PARP11: variants seen among roughly 807,000 people sequenced by gnomAD.
The protein encoded by PARP11 is protein mono-ADP-ribosyltransferase PARP11.
Under a neutral mutation model 42.9 loss-of-function variants are expected in PARP11, and 31 were observed. That is an observed-to-expected ratio of 0.72 (90% CI 0.54 to 0.98). The LOEUF (loss-of-function observed/expected upper bound fraction) is 0.98, where lower values mean the gene tolerates loss of function less well. Ranked by LOEUF, PARP11 falls within the 50% of genes least tolerant of loss-of-function variation. The pLI, the probability that PARP11 is intolerant of heterozygous loss-of-function variation, is 0.00. For synonymous variants in PARP11, 137 were observed against 127.3 expected (o/e 1.08, Z -0.51); for missense variants, 365 against 413.1 (o/e 0.88, Z 1.01).
In PARP11 at chr12:3,810,037, T is replaced by C. The variant is rs557773623; in HGVS notation, c.*2086A>G. The C allele has an allele frequency of 6.6e-6, 1 of 152,362 alleles. No individual in the cohort carries two copies. Among genetic ancestry groups the C allele is most frequent in the African/African-American group, 2.4e-5 (1 of 41,582 alleles). The allele number at this position is 152,362 out of a possible 1,614,324, so 9.4% of individuals were successfully genotyped here. Reference sequence around the variant, plus strand: ...GTCTATAACGGAAATCTGGGATAGATGGCACTTTAAGAATTACTATCCCTA... The same window carrying C: ...GTCTATAACGGAAATCTGGGATAGACGGCACTTTAAGAATTACTATCCCTA... On this transcript the variant is annotated 3_prime_UTR_variant, in exon 8 of 8. Transcript: ENST00000228820.
intron 1 of PARP11, chr12:3,841,523 T>C (rs878890383): frequency 1.3e-6 from 2 of 1,586,488 alleles, no homozygotes; most frequent in South Asian, 1.1e-5. Flanking sequence ...CTACAGCCAG[T>C]GATTGGACCG....
At chr12:3,856,378 A>G (rs1341105080) in intron 1 of PARP11, among the ~76,000 whole-genome samples, 1 of 152,236 alleles carries the variant, frequency 6.6e-6, no homozygotes, top group African/African-American at 2.4e-5. Flanking sequence ...CATCTGACAA[A>G]GGGTGAATAT....
chr12:3,872,645 G>A (rs1452357617), intron 1 of PARP11: 1 of 985,126 alleles, frequency 1.0e-6, no homozygotes, highest in Non-Finnish European at 1.2e-6. Flanking sequence ...AAGGGAAAAG[G>A]AGAACTGATG....
intron 2 of PARP11, among the ~76,000 whole-genome samples, chr12:3,829,298 A>C (rs1479921070): frequency 6.6e-6 from 1 of 152,210 alleles, no homozygotes; most frequent in African/African-American, 2.4e-5. Context: ...AGATAATTAC[A>C]ATTTTTACAG....
At chr12:3,814,994 C>A (rs959762458) in intron 6 of PARP11, 1 of 455,976 alleles carries the variant, frequency 2.2e-6, no homozygotes, top group Non-Finnish European at 4.4e-6. Flanking sequence ...AGGCACCATA[C>A]CAATCTCAGG....
chr12:3,846,496 C>T (rs970117823), intron 1 of PARP11, among the ~76,000 whole-genome samples: 5 of 152,078 alleles, frequency 3.3e-5, no homozygotes, highest in African/African-American at 9.7e-5. Flanking sequence ...GTAGCTCATG[C>T]CTGTAATCCC....
At chr12:3,846,593 A>G (rs1948002788) in intron 1 of PARP11, among the ~76,000 whole-genome samples, 1 of 151,550 alleles carries the variant, frequency 6.6e-6, no homozygotes, top group East Asian at 1.9e-4. Context: ...CGTCTCTACT[A>G]AAAATACAAA....
At position 3,828,894 on chromosome 12, in the gene PARP11, A is replaced by G; in HGVS notation, c.268+16T>C. On this transcript the variant is annotated intron_variant, in intron 3 of 7. Coordinates refer to ENST00000228820, the MANE Select transcript of PARP11 (RefSeq NM_020367.6). ...AATATACTAAAAACACACAACTATT[A>G]GGGAAAAAAACATACCTGCAAAGTC... 1.2e-6 allele frequency: 2 copies of G among 1,611,104 alleles called. No individual in the cohort carries two copies. The highest frequency in any genetic ancestry group is 1.7e-6 in the Non-Finnish European group (2 of 1,177,858).
At chr12:3,850,888 A>T (rs78065773) in intron 1 of PARP11, among the ~76,000 whole-genome samples, 1 of 152,266 alleles carries the variant, frequency 6.6e-6, no homozygotes, top group Non-Finnish European at 1.5e-5. Flanking sequence ...AGGACCAACT[A>T]TGAAAGTTCT....
At chr12:3,859,405 T>C (rs1948257365) in intron 1 of PARP11, among the ~76,000 whole-genome samples, 1 of 150,566 alleles carries the variant, frequency 6.6e-6, no homozygotes. Context: ...TCTACTAAAA[T>C]ACAAAAAATT....
chr12:3,840,718 CA>C lies in PARP11; in HGVS notation c.19-10701del. 1 of 1,280,232 alleles carries C rather than the reference CA, an allele frequency of 7.8e-7. No homozygotes were observed. The highest frequency in any genetic ancestry group is 1.1e-6 in the Non-Finnish European group (1 of 875,356). The allele number at this position is 1,280,232 out of a possible 1,614,324, so 79.3% of individuals were successfully genotyped here. A position where few individuals can be genotyped will look rare whatever the true frequency, so the allele number is the denominator to read the frequency against. ...GAATGGATACAGAAGAACGAAAAGACAAAGACTCTATTCATGGACATAGTTG... is the reference window on the plus strand; with the variant it reads ...GAATGGATACAGAAGAACGAAAAGACAAGACTCTATTCATGGACATAGTTG... On this transcript the variant is annotated intron_variant, in intron 1 of 7. Coordinates refer to ENST00000228820, the MANE Select transcript of PARP11 (RefSeq NM_020367.6). The surrounding 1 kb of genome is among the most constrained non-coding windows in gnomAD (Gnocchi z 4.4).
rs922878832 is a variant in PARP11, at chr12:3,822,009, A to T, written c.418-6T>A. On this transcript the variant is annotated splice_region_variant and splice_polypyrimidine_tract_variant and intron_variant, in intron 5 of 7. Transcript: ENST00000228820. ...TGATTGTGCAGAGGAATAAGCTGGA[A>T]AAATAAATTTGCATAGATTTACTGC... is the stretch of plus-strand genomic sequence containing the variant. 1 of 1,606,290 alleles carries T rather than the reference A, an allele frequency of 6.2e-7. No homozygotes were observed. Among genetic ancestry groups the T allele is most frequent in the Non-Finnish European group, 8.5e-7 (1 of 1,177,222 alleles).
intron 4 of PARP11, among the ~76,000 whole-genome samples, chr12:3,822,539 C>G (rs1947420455): frequency 6.8e-6 from 1 of 147,304 alleles, no homozygotes; most frequent in Non-Finnish European, 1.5e-5. Context: ...GCGGAGCTTG[C>G]AGTGAGCCGA....
chr12:3,860,867 A>G (rs950351164), intron 1 of PARP11, among the ~76,000 whole-genome samples: 2 of 152,086 alleles, frequency 1.3e-5, no homozygotes, highest in Non-Finnish European at 2.9e-5. Flanking sequence ...TTTTTCAGAG[A>G]CAGTCTTGCC....
chr12:3,854,594 T>A (rs552300268), intron 1 of PARP11, among the ~76,000 whole-genome samples: 3 of 152,262 alleles, frequency 2.0e-5, no homozygotes, highest in African/African-American at 7.2e-5. Flanking sequence ...AGGAAGAGGT[T>A]GAATCCCTGA....
At chr12:3,813,260 T>C (rs1947220188) in intron 7 of PARP11, among the ~76,000 whole-genome samples, 1 of 152,248 alleles carries the variant, frequency 6.6e-6, no homozygotes. Context: ...CGTATTTCTA[T>C]GATATGGGAT....
intron 1 of PARP11, among the ~76,000 whole-genome samples, chr12:3,831,452 C>G (rs1456485988): frequency 6.6e-6 from 1 of 152,004 alleles, no homozygotes; most frequent in Non-Finnish European, 1.5e-5. Flanking sequence ...GCTGTAGCAA[C>G]CTGGAATAAG....
rs1948206723 is a variant in PARP11, at chr12:3,857,142, G to A, written c.18+16070C>T. On this transcript the variant is annotated intron_variant, in intron 1 of 7. Transcript: ENST00000228820. Reference sequence around the variant, plus strand: ...GGGCCTGTCGGGGGGTGGGGGGCTGGGGGAAGGATAGCATTAGGAGAAATA... The same window carrying A: ...GGGCCTGTCGGGGGGTGGGGGGCTGAGGGAAGGATAGCATTAGGAGAAATA... 2.0e-5 allele frequency among the ~76,000 whole-genome samples: 3 copies of A among 151,844 alleles called. No individual in the cohort carries two copies. The South Asian group carries it at 6.2e-4, about 32-fold the overall frequency.
chr12:3,814,396 A>G (rs1429180710), intron 6 of PARP11, among the ~76,000 whole-genome samples: 2 of 152,212 alleles, frequency 1.3e-5, no homozygotes, highest in East Asian at 3.8e-4. Flanking sequence ...ATTAGTTAAC[A>G]CTGAAACTTA....
Sources: allele counts gnomAD v4.1 joint callset (sites outside exome capture counted in the v4.1 genomes callset), GRCh38; gene constraint gnomAD v4.1.1; non-coding constraint Gnocchi (gnomAD v3.1); transcripts MANE v1.5; gene names NCBI Gene and HGNC (gene_info 2026-07-23, HGNC 2026-07-21).